ZMIZ1: variants seen among roughly 807,000 people sequenced by gnomAD.
ZMIZ1 encodes zinc finger MIZ-type containing 1, also known as zinc finger MIZ domain-containing protein 1.
Under a neutral mutation model 113.9 loss-of-function variants are expected in ZMIZ1, and 17 were observed. The observed-to-expected ratio is 0.15, with a 90% CI of 0.10 to 0.22. The LOEUF is 0.22. ZMIZ1 is among the 10% of genes least tolerant of loss of function. The pLI, the probability that ZMIZ1 is intolerant of heterozygous loss-of-function variation, is 1.00. For missense variants in ZMIZ1, 1,059 were observed against 1,477.8 expected (o/e 0.72, Z 4.65); for synonymous variants, 607 against 603.1 (o/e 1.01, Z -0.09).
chr10:79,127,382 G>A (rs757130710), intron 2 of ZMIZ1, among the ~76,000 whole-genome samples: 143 of 152,254 alleles, frequency 9.4e-4, no homozygotes, highest in Middle Eastern at 3.4e-3. Context: ...CCGGGATTGC[G>A]CAAATTCCCC....
intron 7 of ZMIZ1, among the ~76,000 whole-genome samples, chr10:79,244,267 C>T (rs1405339386): frequency 4.6e-5 from 7 of 152,226 alleles, no homozygotes; most frequent in Non-Finnish European, 1.5e-5. Context: ...CAAGTGTTTG[C>T]TGGCAAGCTG....
intron 5 of ZMIZ1, among the ~76,000 whole-genome samples, chr10:79,204,570 G>A (rs1332593696): frequency 6.6e-6 from 1 of 152,200 alleles, no homozygotes; most frequent in Non-Finnish European, 1.5e-5. Flanking sequence ...TATGGGCCCT[G>A]TAGGAATACA....
At chr10:79,096,515 AG>A (rs1843175739) in intron 1 of ZMIZ1, among the ~76,000 whole-genome samples, 5 of 140,958 alleles carry the variant, frequency 3.5e-5, no homozygotes, top group Non-Finnish European at 8.2e-5. Context: ...CCGTCTCAAA[AG>A]AAAAGAAAAG....
At chr10:79,298,720 C>A (rs1395988026) in intron 15 of ZMIZ1, 140 bp downstream of exon 15, 3 of 830,310 alleles carry the variant, frequency 3.6e-6, no homozygotes, top group Non-Finnish European at 5.4e-6. Flanking sequence ...TACCCAGGGG[C>A]ACACTCAAGG....
chr10:79,274,189 C>T (rs1852119924), intron 7 of ZMIZ1, among the ~76,000 whole-genome samples: 1 of 152,258 alleles, frequency 6.6e-6, no homozygotes, highest in South Asian at 2.1e-4. Context: ...CAGGTCAGGA[C>T]TGACACTGCC....
intron 7 of ZMIZ1, among the ~76,000 whole-genome samples, chr10:79,222,996 A>T (rs1277242904): frequency 6.6e-6 from 1 of 151,562 alleles, no homozygotes; most frequent in African/African-American, 2.4e-5. Flanking sequence ...TGAATGGTGG[A>T]CTCTCAGACC....
intron 1 of ZMIZ1, among the ~76,000 whole-genome samples, chr10:79,113,491 T>A (rs1843839985): frequency 6.6e-6 from 1 of 152,172 alleles, no homozygotes; most frequent in Non-Finnish European, 1.5e-5. Context: ...TGGCCTGGCC[T>A]GAATGTGACT....
intron 4 of ZMIZ1, among the ~76,000 whole-genome samples, chr10:79,176,075 T>A (rs920717347): frequency 5.9e-5 from 9 of 151,992 alleles, no homozygotes; most frequent in African/African-American, 2.2e-4. Context: ...CTGTGCATCC[T>A]GGGCTGGGGC....
intron 7 of ZMIZ1, among the ~76,000 whole-genome samples, chr10:79,253,711 A>G (rs1416206623): frequency 6.6e-6 from 1 of 152,132 alleles, no homozygotes; most frequent in African/African-American, 2.4e-5. Flanking sequence ...GCCCTGGGGA[A>G]TTTGGGATCC....
chr10:79,179,926 C>G (rs1257298088), intron 4 of ZMIZ1, among the ~76,000 whole-genome samples: 1 of 152,168 alleles, frequency 6.6e-6, no homozygotes, highest in African/African-American at 2.4e-5. Context: ...ACCACCCTCT[C>G]TCAGAGGCCA....
At chr10:79,301,027 G>A in intron 17 of ZMIZ1, 85 bp downstream of exon 17, 2 of 1,541,428 alleles carry the variant, frequency 1.3e-6, no homozygotes, top group Non-Finnish European at 1.7e-6. Flanking sequence ...GCCCCACTCT[G>A]GTCCTCAGCC....
intron 7 of ZMIZ1, among the ~76,000 whole-genome samples, chr10:79,234,857 G>A (rs1443813105): frequency 1.3e-5 from 2 of 151,930 alleles, no homozygotes; most frequent in African/African-American, 4.8e-5. Context: ...CAGTGCCCCC[G>A]GCAGCAAAGA....
At chr10:79,308,945 G>A (rs1006734972) in intron 23 of ZMIZ1, among the ~76,000 whole-genome samples, 12 of 152,184 alleles carry the variant, frequency 7.9e-5, no homozygotes, top group Non-Finnish European at 8.8e-5. Context: ...GAGCCTGTGA[G>A]TTGACCTCAG....
chr10:79,072,693 T>G (rs1842331163), intron 1 of ZMIZ1, among the ~76,000 whole-genome samples: 1 of 152,214 alleles, frequency 6.6e-6, no homozygotes, highest in South Asian at 2.1e-4. Context: ...GGTTCGTGGC[T>G]GGGTCCTCTA....
intron 3 of ZMIZ1, among the ~76,000 whole-genome samples, chr10:79,156,188 C>T (rs957631234): frequency 6.6e-6 from 1 of 152,170 alleles, no homozygotes; most frequent in Non-Finnish European, 1.5e-5. Flanking sequence ...TTCTAGAAGT[C>T]ACTTTATAGC....
Position 79,249,227 on chromosome 10 carries a change from G to A in ZMIZ1, c.281-27954G>A, listed in dbSNP as rs75842168. ...CTTTCCCTGGATCCCCACACCCAGC[G>A]TCCGGGGCCACTGTCTCCTTGCGGT... On this transcript the variant is annotated intron_variant, in intron 7 of 24. Coordinates refer to ENST00000334512, the MANE Select transcript of ZMIZ1 (RefSeq NM_020338.4). Among the ~76,000 whole-genome samples the A allele has an allele frequency of 4.1e-3, 619 of 152,276 alleles. 5 individuals are homozygous for A. Among genetic ancestry groups the A allele is most frequent in the African/African-American group, 0.014 (592 of 41,536 alleles).
At chr10:79,301,411 G>C (rs949046973) in intron 17 of ZMIZ1, among the ~76,000 whole-genome samples, 1 of 151,964 alleles carries the variant, frequency 6.6e-6, no homozygotes, top group Non-Finnish European at 1.5e-5. Flanking sequence ...TTAGAGTCAC[G>C]TATGGGGGTC....
Position 79,293,532 on chromosome 10 carries a change from C to T in ZMIZ1, c.1109C>T (p.Pro370Leu). ...GGCCCTCCCATGGGCATGAACCAGC[C>T]CCGGCCGCCCGGCATCAGCCCCTTT... ...MSGPPMGMNQ[P>L]RPPGISPFGT... The change falls in exon 12 of 25, where the codon CCC (proline) becomes CTC (leucine). Residue 370 changes from proline to leucine, a missense_variant. Pro to Leu is a moderately conservative substitution (Grantham distance 98). Transcript: ENST00000334512. 6.2e-7 allele frequency: 1 copy of T among 1,611,348 alleles called. No individual in the cohort carries two copies. Among genetic ancestry groups the T allele is most frequent in the Non-Finnish European group, 8.5e-7 (1 of 1,178,892 alleles).
intron 4 of ZMIZ1, among the ~76,000 whole-genome samples, chr10:79,175,260 C>T (rs988481092): frequency 6.6e-6 from 1 of 152,236 alleles, no homozygotes; most frequent in Non-Finnish European, 1.5e-5. Flanking sequence ...GAGGTGTCCT[C>T]TGCCCACCTG....
Sources: gnomAD v4.1 joint callset for allele counts (sites outside exome capture counted in the v4.1 genomes callset) on GRCh38, gnomAD v4.1.1 for gene constraint, MANE v1.5 for transcripts, NCBI Gene and HGNC (gene_info 2026-07-23, HGNC 2026-07-21) for gene names.